The following BEND6 variants were observed in gnomAD, a reference collection of about 807,000 sequenced individuals.
BEND6 encodes the protein BEN domain containing 6, also known as BEN domain-containing protein 6.
In BEND6, 24 loss-of-function variants were observed where a neutral mutation model predicts 31.8. The ratio of observed to expected loss-of-function variants is 0.75; its 90% CI spans 0.55 to 1.06. The LOEUF (loss-of-function observed/expected upper bound fraction) is 1.06, where lower values mean the gene tolerates loss of function less well. Among genes scored for constraint, BEND6 ranks in the 50% least tolerant of loss-of-function variants. BEND6 has a pLI of 0.00. For missense variants in BEND6, 294 were observed against 327.4 expected (o/e 0.90, Z 0.79); for synonymous variants, 109 against 114.6 (o/e 0.95, Z 0.31).
At chr6:57,018,946 T>C (rs186579571) in intron 6 of BEND6, among the ~76,000 whole-genome samples, 5 of 152,254 alleles carry the variant, frequency 3.3e-5, no homozygotes, top group Admixed American at 2.0e-4. Flanking sequence ...TAAGAAGTAT[T>C]TCTCTCTAGG....
chr6:56,976,035 AAGAAC>A, intron 1 of BEND6: 1 of 471,070 alleles, frequency 2.1e-6, no homozygotes, highest in Non-Finnish European at 4.2e-6. Flanking sequence ...TTCAAGCACT[AAGAAC>A]AGGACACGAT....
intron 4 of BEND6, among the ~76,000 whole-genome samples, chr6:57,015,787 G>T (rs2127891077): frequency 6.6e-6 from 1 of 150,820 alleles, no homozygotes; most frequent in South Asian, 2.1e-4. Context: ...CTCCAGCCTG[G>T]GCGACAGAGC....
intron 1 of BEND6, among the ~76,000 whole-genome samples, chr6:56,980,066 C>T (rs1246581546): frequency 1.3e-5 from 2 of 152,200 alleles, no homozygotes; most frequent in Non-Finnish European, 2.9e-5. Flanking sequence ...GAGGCCTCAC[C>T]TATTATTGTG....
chr6:57,014,495 T>C, intron 3 of BEND6: 1 of 1,524,978 alleles, frequency 6.6e-7, no homozygotes, highest in Non-Finnish European at 8.8e-7. Flanking sequence ...GAGAAGACCA[T>C]TTTACATGGA....
At chr6:56,978,714 A>G (rs1416287353) in intron 1 of BEND6, among the ~76,000 whole-genome samples, 4 of 152,216 alleles carry the variant, frequency 2.6e-5, no homozygotes, top group Admixed American at 1.3e-4. Flanking sequence ...CAACATTTTG[A>G]TAGCTTAGCA....
intron 3 of BEND6, among the ~76,000 whole-genome samples, chr6:56,993,906 C>T (rs1186291244): frequency 6.6e-6 from 1 of 152,122 alleles, no homozygotes; most frequent in Non-Finnish European, 1.5e-5. Flanking sequence ...CACTGTGTTA[C>T]CCAGGCTGGT....
intron 1 of BEND6, among the ~76,000 whole-genome samples, chr6:56,977,896 G>A (rs1825941015): frequency 1.3e-5 from 2 of 152,194 alleles, no homozygotes; most frequent in African/African-American, 4.8e-5. Context: ...GGTCAAGGCT[G>A]AAGTGAGCCA....
At chr6:56,989,158 G>A (rs1264909096) in intron 2 of BEND6, among the ~76,000 whole-genome samples, 1 of 150,524 alleles carries the variant, frequency 6.6e-6, no homozygotes, top group Non-Finnish European at 1.5e-5. Flanking sequence ...TATCATATGT[G>A]ATATATAATC....
intron 1 of BEND6, among the ~76,000 whole-genome samples, chr6:56,965,141 G>C (rs1825423631): frequency 6.6e-6 from 1 of 151,982 alleles, no homozygotes; most frequent in African/African-American, 2.4e-5. Flanking sequence ...ACCTTCATAG[G>C]GATAGGGAAA....
intron 2 of BEND6, among the ~76,000 whole-genome samples, chr6:56,991,427 C>T (rs559041342): frequency 1.3e-5 from 2 of 151,688 alleles, no homozygotes; most frequent in Admixed American, 1.3e-4. Context: ...CAGGGTGGAG[C>T]GCAGTGGTAC....
At chr6:56,999,374 C>T (rs1486309270) in intron 3 of BEND6, among the ~76,000 whole-genome samples, 1 of 152,250 alleles carries the variant, frequency 6.6e-6, no homozygotes, top group Non-Finnish European at 1.5e-5. Context: ...CCTTCTTGTG[C>T]AGAGAACCAG....
chr6:57,025,676 G>A (rs1827878484), intron 6 of BEND6, among the ~76,000 whole-genome samples: 1 of 152,188 alleles, frequency 6.6e-6, no homozygotes, highest in African/African-American at 2.4e-5. Context: ...TTTTTGCAGT[G>A]TAGAAACTGA....
At chr6:56,994,318 G>T (rs1345233449) in intron 3 of BEND6, among the ~76,000 whole-genome samples, 1 of 151,840 alleles carries the variant, frequency 6.6e-6, no homozygotes, top group African/African-American at 2.4e-5. Context: ...AATTAGCCAG[G>T]CGTGGTGGCG....
chr6:57,007,762 T>C (rs1367958537), intron 3 of BEND6, among the ~76,000 whole-genome samples: 1 of 151,968 alleles, frequency 6.6e-6, no homozygotes, highest in African/African-American at 2.4e-5. Context: ...CATGCCACTT[T>C]GTTCCCGGAA....
chr6:57,013,664 A>G (rs151117489), intron 3 of BEND6: 1 of 152,712 alleles, frequency 6.5e-6, no homozygotes, highest in African/African-American at 2.4e-5. Flanking sequence ...AGTGGCGAAG[A>G]TACTCCTGTC....
chr6:56,996,320 G>A (rs1021395032), intron 3 of BEND6, among the ~76,000 whole-genome samples: 1 of 152,150 alleles, frequency 6.6e-6, no homozygotes, highest in Non-Finnish European at 1.5e-5. Context: ...GGTGTTGCGT[G>A]CCTATGGTCC....
intron 1 of BEND6, among the ~76,000 whole-genome samples, chr6:56,979,377 A>G (rs1825992785): frequency 6.6e-6 from 1 of 152,352 alleles, no homozygotes; most frequent in Non-Finnish European, 1.5e-5. Flanking sequence ...ATTGAATTGT[A>G]CACTTTAAAT....
chr6:56,984,168 CTG>C (rs1442816937), intron 2 of BEND6, among the ~76,000 whole-genome samples: 24 of 151,736 alleles, frequency 1.6e-4, no homozygotes, highest in Non-Finnish European at 1.2e-4. Flanking sequence ...CTGCAGTGAG[CTG>C]TGTTCCCATC....
In BEND6 at chr6:57,015,134, G is replaced by A; in HGVS notation, c.300G>A (p.Val100=). 1 of 1,613,240 alleles carries A rather than the reference G, an allele frequency of 6.2e-7. No individual in the cohort carries two copies. The highest frequency in any genetic ancestry group is 8.5e-7 in the Non-Finnish European group (1 of 1,179,476). Residue 100 remains valine (V), a splice_region_variant and synonymous_variant, in exon 4 of 7, where the codon GTG becomes GTA. Coordinates refer to ENST00000370746, the MANE Select transcript of BEND6 (RefSeq NM_152731.3). ...RLRQSLVMLQ[V]LPQAVTQFEE... ...GTGTACTTTTTCTTGCCATTTTAGT[G>A]TTACCACAAGCAGTCACCCAGTTTG...
Sources: allele counts gnomAD v4.1 joint callset (sites outside exome capture counted in the v4.1 genomes callset), GRCh38; gene constraint gnomAD v4.1.1; transcripts MANE v1.5; gene names NCBI Gene and HGNC (gene_info 2026-07-23, HGNC 2026-07-21).